UQCC1: variants seen among roughly 807,000 people sequenced by gnomAD.
The protein encoded by UQCC1 is ubiquinol-cytochrome c reductase complex assembly factor 1.
In UQCC1, 38 loss-of-function variants were observed where a neutral mutation model predicts 48.0. The ratio of observed to expected loss-of-function variants is 0.79; its 90% CI spans 0.61 to 1.04. UQCC1 has a LOEUF of 1.04. UQCC1 is among the 50% of genes least tolerant of loss of function. UQCC1 has a pLI of 0.00. For missense variants in UQCC1, 368 were observed against 381.8 expected, an observed-to-expected ratio of 0.96 and a Z score of 0.30; for synonymous variants, 111 against 129.2, an observed-to-expected ratio of 0.86 and a Z score of 0.95.
chr20:35,366,454 C>T, intron 6 of UQCC1, 103 bp downstream of exon 6: 1 of 963,284 alleles, frequency 1.0e-6, no homozygotes, highest in Non-Finnish European at 1.6e-6. Context: ...AACACCTGAA[C>T]AACTGCCATT....
chr20:35,388,870 ACCTGG>A (rs1272800738), intron 2 of UQCC1, among the ~76,000 whole-genome samples: 1 of 151,926 alleles, frequency 6.6e-6, no homozygotes, highest in Non-Finnish European at 1.5e-5. Flanking sequence ...TTCAAGGCTA[ACCTGG>A]CCAACATGGT....
chr20:35,385,256 A>G (rs1202344578), intron 2 of UQCC1, among the ~76,000 whole-genome samples: 1 of 152,250 alleles, frequency 6.6e-6, no homozygotes, highest in Non-Finnish European at 1.5e-5. Context: ...CTCAATAAAT[A>G]GCAGAAGTTT....
At chr20:35,375,954 A>G (rs2061793603) in intron 4 of UQCC1, among the ~76,000 whole-genome samples, 1 of 150,924 alleles carries the variant, frequency 6.6e-6, no homozygotes, top group Non-Finnish European at 1.5e-5. Context: ...GCCTAAAAAA[A>G]AAAAAAAAAA....
chr20:35,367,868 C>G (rs1382070064), intron 5 of UQCC1, among the ~76,000 whole-genome samples: 1 of 152,018 alleles, frequency 6.6e-6, no homozygotes. Context: ...CTGTTCATCA[C>G]CCCCCCAGAA....
intron 1 of UQCC1, among the ~76,000 whole-genome samples, chr20:35,405,144 G>A (rs930879958): frequency 5.9e-5 from 9 of 152,160 alleles, no homozygotes; most frequent in Non-Finnish European, 1.2e-4. Context: ...ACATCCCAAC[G>A]TGCACACAGA....
intron 6 of UQCC1, among the ~76,000 whole-genome samples, chr20:35,358,095 T>C (rs542774935): frequency 3.3e-4 from 50 of 152,210 alleles, no homozygotes; most frequent in African/African-American, 1.2e-3. Context: ...GGCTCATGCC[T>C]GTAATCCCAG....
chr20:35,346,590 A>G (rs2061434224), intron 7 of UQCC1: 1 of 163,438 alleles, frequency 6.1e-6, no homozygotes, highest in African/African-American at 2.4e-5. Context: ...TTTTGGTTTC[A>G]TTTTTCTATT....
intron 1 of UQCC1, among the ~76,000 whole-genome samples, chr20:35,410,640 G>A (rs773958742): frequency 3.7e-5 from 5 of 134,734 alleles, no homozygotes; most frequent in South Asian, 2.4e-4. Context: ...GGGAGCAGAA[G>A]TTGCAGTGAG....
chr20:35,404,598 AT>A (rs2062222278), intron 1 of UQCC1, among the ~76,000 whole-genome samples: 4 of 151,674 alleles, frequency 2.6e-5, no homozygotes, highest in Admixed American at 1.3e-4. Context: ...GCACACCATC[AT>A]GGCACATGTA....
At chr20:35,411,758 G>A (rs2062368754) in intron 1 of UQCC1, among the ~76,000 whole-genome samples, 182 bp downstream of exon 1, 1 of 152,126 alleles carries the variant, frequency 6.6e-6, no homozygotes, top group South Asian at 2.1e-4. Context: ...GGGGAGCTAA[G>A]GTCAAAACGG....
At chr20:35,338,912 G>A (rs1269460605) in intron 7 of UQCC1, among the ~76,000 whole-genome samples, 1 of 46,328 alleles carries the variant, frequency 2.2e-5, no homozygotes, top group Non-Finnish European at 3.4e-5. Context: ...TATATATGGA[G>A]AGATTTTTCA....
At chr20:35,408,510 G>A (rs2062286555) in intron 1 of UQCC1, among the ~76,000 whole-genome samples, 1 of 152,206 alleles carries the variant, frequency 6.6e-6, no homozygotes, top group African/African-American at 2.4e-5. Flanking sequence ...CTGCTAGTGA[G>A]AATGTAAAAC....
intron 7 of UQCC1, among the ~76,000 whole-genome samples, chr20:35,328,768 A>G (rs1389888121): frequency 6.6e-6 from 1 of 152,162 alleles, no homozygotes; most frequent in Non-Finnish European, 1.5e-5. Flanking sequence ...TCATCCTCCC[A>G]TTACACTCAG....
At chr20:35,379,688 C>T (rs756364292) in intron 4 of UQCC1, among the ~76,000 whole-genome samples, 7 of 152,088 alleles carry the variant, frequency 4.6e-5, no homozygotes, top group Non-Finnish European at 7.4e-5. Flanking sequence ...CGCCTGTAGT[C>T]CCAGCTACTT....
At chr20:35,374,325 G>T in intron 4 of UQCC1, 69 bp from the exon 5 acceptor site, 4 of 1,194,842 alleles carry the variant, frequency 3.3e-6, no homozygotes, top group South Asian at 1.4e-5. Context: ...TTAGACATGG[G>T]TCACAAAATC....
At chr20:35,379,944 CTT>C (rs959395637) in intron 4 of UQCC1, among the ~76,000 whole-genome samples, 3 of 152,250 alleles carry the variant, frequency 2.0e-5, no homozygotes, top group Admixed American at 6.5e-5. Flanking sequence ...CAGAGGCTAA[CTT>C]AGGCTAAAAG....
rs181938114 is a variant in UQCC1, at chr20:35,382,124, A to G, written c.226-99T>C. 33 of 680,806 alleles carry G rather than the reference A, an allele frequency of 4.8e-5. No homozygotes were observed. In the African/African-American group the frequency reaches 4.9e-4, roughly 10 times the overall value. The allele number at this position is 680,806 out of a possible 1,614,324, so 42.2% of individuals were successfully genotyped here. ...GTCTGAGAGCATTTTTTTTTTAAAT[A>G]CAGTCAGGGTCTCCTCCCCTCACCC... On this transcript the variant is annotated intron_variant, in intron 3 of 9. Transcript: ENST00000374385.
chr20:35,337,606 T>C (rs2146361563), intron 7 of UQCC1, among the ~76,000 whole-genome samples: 1 of 152,294 alleles, frequency 6.6e-6, no homozygotes, highest in East Asian at 1.9e-4. Context: ...CAGTCTAAGA[T>C]TCCCCAGTAA....
At chr20:35,339,259 T>C (rs1216442834) in intron 7 of UQCC1, among the ~76,000 whole-genome samples, 1 of 152,128 alleles carries the variant, frequency 6.6e-6, no homozygotes, top group Non-Finnish European at 1.5e-5. Flanking sequence ...GGTAGGCATG[T>C]GGTTTAAGAC....
Sources: gnomAD v4.1 joint callset for allele counts (sites outside exome capture counted in the v4.1 genomes callset) on GRCh38, gnomAD v4.1.1 for gene constraint, MANE v1.5 for transcripts, NCBI Gene and HGNC (gene_info 2026-07-23, HGNC 2026-07-21) for gene names.